Variants in ACO1 observed in about 807,000 individuals in gnomAD.
The protein encoded by ACO1 is aconitase 1, also known as cytoplasmic aconitate hydratase.
Under a neutral mutation model 105.1 loss-of-function variants are expected in ACO1, and 78 were observed. The ratio of observed to expected loss-of-function variants is 0.74; its 90% CI spans 0.62 to 0.90. ACO1 has a LOEUF of 0.90. Among genes scored for constraint, ACO1 ranks in the 40% least tolerant of loss-of-function variants. ACO1 has a pLI of 0.00. For synonymous variants in ACO1, 364 were observed against 397.4 expected (o/e 0.92, Z 1.00); for missense variants, 965 against 1,111.1 (o/e 0.87, Z 1.87).
At chr9:32,405,122 G>T (rs2118397780) in intron 1 of ACO1, among the ~76,000 whole-genome samples, 1 of 46,256 alleles carries the variant, frequency 2.2e-5, no homozygotes, top group Middle Eastern at 0.014. Context: ...GTAGTTCCCA[G>T]GAAAGAGGCG....
intron 1 of ACO1, among the ~76,000 whole-genome samples, chr9:32,402,497 A>T (rs2118386300): frequency 6.6e-6 from 1 of 152,252 alleles, no homozygotes; most frequent in South Asian, 2.1e-4. Context: ...AAACAGTGGG[A>T]CCTGTGCTTT....
intron 1 of ACO1, among the ~76,000 whole-genome samples, chr9:32,396,977 CT>C (rs995361733): frequency 1.3e-5 from 2 of 151,108 alleles, no homozygotes; most frequent in Admixed American, 6.6e-5. Flanking sequence ...ATCATTTAAG[CT>C]TTTTTTTTTA....
intron 4 of ACO1, 77 bp from the exon 5 acceptor site, chr9:32,418,051 T>C (rs1821888350): frequency 7.5e-7 from 1 of 1,330,318 alleles, no homozygotes; most frequent in Non-Finnish European, 1.1e-6. Context: ...TTCCATTTTG[T>C]TTCTTCATCA....
Position 32,448,935 on chromosome 9 carries a change from C to T in ACO1, c.2410C>T (p.His804Tyr), listed in dbSNP as rs766550080. ...AVLAESYERI[H>Y]RSNLVGMGVI... is the part of the protein sequence containing the mutation. Reference sequence around the variant, plus strand: ...CCTGGCCGAGAGCTACGAGCGCATTCACCGCAGTAACCTGGTTGGGATGGG... The same window carrying T: ...CCTGGCCGAGAGCTACGAGCGCATTTACCGCAGTAACCTGGTTGGGATGGG... The change falls in exon 20 of 21, where the codon CAC (histidine) becomes TAC (tyrosine). Residue 804 changes from histidine to tyrosine, a missense_variant. By Grantham distance (83) the His-to-Tyr change is moderately conservative (BLOSUM62 2). Transcript: ENST00000309951. 2 of 1,614,250 alleles carry T rather than the reference C, an allele frequency of 1.2e-6. No homozygotes were observed.
At chr9:32,436,168 G>A (rs753716284) in intron 17 of ACO1, 82 bp from the exon 18 acceptor site, 1 of 1,571,544 alleles carries the variant, frequency 6.4e-7, no homozygotes, top group Non-Finnish European at 8.7e-7. Context: ...GTTTTGTTTT[G>A]TTTTTTTCTT....
chr9:32,417,986 TGTAAATA>T, intron 4 of ACO1, 135 bp from the exon 5 acceptor site: 1 of 716,658 alleles, frequency 1.4e-6, no homozygotes, highest in East Asian at 2.7e-5. Flanking sequence ...TATTCTGCAT[TGTAAATA>T]GTCATGAATG....
intron 1 of ACO1, among the ~76,000 whole-genome samples, chr9:32,394,300 G>T (rs66470238): frequency 0.014 from 2,087 of 152,244 alleles, 20 homozygotes; most frequent in Middle Eastern, 0.024. Flanking sequence ...TTCCCTGGTG[G>T]TTCTTTATCA....
chr9:32,409,770 C>A (rs115968407), intron 4 of ACO1, among the ~76,000 whole-genome samples: 2,372 of 152,086 alleles, frequency 0.016, 57 homozygotes, highest in African/African-American at 0.054. Flanking sequence ...AGGAGGATCA[C>A]CTGAGCCCAG....
rs549507485 is a variant in ACO1 at position 32,388,645 on chromosome 9, T to C, written c.-23+3910T>C. 2.1e-3 allele frequency among the ~76,000 whole-genome samples: 321 copies of C among 152,352 alleles called. 4 individuals are homozygous for C. Among genetic ancestry groups the C allele is most frequent in the African/African-American group, 7.4e-3 (309 of 41,568 alleles). ...TGTGTACATAAGTTGTGTGCATGTG[T>C]CATTACATATTCCATTCCATGTATT... On this transcript the variant is annotated intron_variant, in intron 1 of 20. Coordinates refer to ENST00000309951, the MANE Select transcript of ACO1 (RefSeq NM_002197.3).
rs2095232725 is a variant in ACO1 at position 32,420,911 on chromosome 9, T to C, written c.854T>C (p.Val285Ala). ...GKFVEFFGPG[V>A]AQLSIADRAT... ...TTTGTCGAGTTCTTCGGGCCTGGAG[T>C]AGCCCAGTTGTCCATTGCTGACCGA... is the stretch of plus-strand genomic sequence containing the variant. Residue 285 changes from valine (V) to alanine (A), a missense_variant, in exon 8 of 21, where the codon GTA (valine) becomes GCA (alanine). Transcript: ENST00000309951. 6.2e-7 allele frequency: 1 copy of C among 1,614,016 alleles called. No individual in the cohort carries two copies. The highest frequency in any genetic ancestry group is 8.5e-7 in the Non-Finnish European group (1 of 1,179,920).
chr9:32,404,051 A>G (rs1401755168), intron 1 of ACO1, among the ~76,000 whole-genome samples: 1 of 152,044 alleles, frequency 6.6e-6, no homozygotes, highest in African/African-American at 2.4e-5. Flanking sequence ...CCTTCTGCAG[A>G]TAAGCTAGCA....
chr9:32,431,932 G>GA, intron 15 of ACO1, 89 bp downstream of exon 15: 1 of 1,475,382 alleles, frequency 6.8e-7, no homozygotes, highest in Non-Finnish European at 9.2e-7. Flanking sequence ...AAGGCTAACG[G>GA]AAGTATAAAC....
intron 4 of ACO1, among the ~76,000 whole-genome samples, chr9:32,412,983 T>C (rs1280007413): frequency 6.6e-6 from 1 of 152,062 alleles, no homozygotes; most frequent in Non-Finnish European, 1.5e-5. Context: ...AGCTCATGGC[T>C]GTTAATGCAT....
chr9:32,405,726 T>A, intron 2 of ACO1, 123 bp downstream of exon 2: 1 of 697,314 alleles, frequency 1.4e-6, no homozygotes, highest in Non-Finnish European at 2.4e-6. Context: ...GTTCTTGGAT[T>A]AAGTGCACAA....
chr9:32,416,801 A>C (rs983244207), intron 4 of ACO1, among the ~76,000 whole-genome samples: 1 of 152,212 alleles, frequency 6.6e-6, no homozygotes, highest in Admixed American at 6.5e-5. Flanking sequence ...CTCAGATAAC[A>C]GCACTGTGTT....
chr9:32,419,182 C>T lies in ACO1; in HGVS notation c.798+5C>T, dbSNP rs201631903. 2.0e-4 allele frequency: 319 copies of T among 1,573,120 alleles called. No homozygotes were observed. In the African/African-American group the frequency reaches 3.7e-3, roughly 18 times the overall value. ...ATCGTGCTCACCATTACCAAGGTAACAATGTGCATCCTCTTCTGTGGTCTT... is the reference window on the plus strand; with the variant it reads ...ATCGTGCTCACCATTACCAAGGTAATAATGTGCATCCTCTTCTGTGGTCTT... On this transcript the variant is annotated splice_donor_5th_base_variant and intron_variant, in intron 7 of 20. Transcript: ENST00000309951.
intron 19 of ACO1, among the ~76,000 whole-genome samples, chr9:32,446,636 A>G (rs1045311149): frequency 2.0e-5 from 3 of 152,170 alleles, no homozygotes; most frequent in Non-Finnish European, 4.4e-5. Flanking sequence ...TTATGCTGTT[A>G]GCTGGTTATT....
At chr9:32,409,125 C>T (rs1821678623) in intron 4 of ACO1, among the ~76,000 whole-genome samples, 1 of 152,184 alleles carries the variant, frequency 6.6e-6, no homozygotes, top group African/African-American at 2.4e-5. Flanking sequence ...TTTGGGACAT[C>T]CTCTCCTCTG....
chr9:32,451,072 A>G lies in ACO1; in HGVS notation c.*961A>G, dbSNP rs1822757958. The G allele has an allele frequency of 8.0e-6, 1 of 124,530 alleles. No individual in the cohort carries two copies. 7.7% of individuals were successfully genotyped at this position (124,530 alleles called of 1,614,324 possible). A position where few individuals can be genotyped will look rare whatever the true frequency, so the allele number is the denominator to read the frequency against. On this transcript the variant is annotated 3_prime_UTR_variant, in exon 21 of 21. Coordinates refer to ENST00000309951, the MANE Select transcript of ACO1 (RefSeq NM_002197.3). ...AGCCTGGTGGCAGTGGCAACGATAT[A>G]AGTACATAAGGAAAAGCAGATAAAC...
Sources: gnomAD v4.1 joint callset for allele counts (sites outside exome capture counted in the v4.1 genomes callset) on GRCh38, gnomAD v4.1.1 for gene constraint, MANE v1.5 for transcripts, NCBI Gene and HGNC (gene_info 2026-07-23, HGNC 2026-07-21) for gene names.